Variants in DNAJC6 observed in about 807,000 individuals in gnomAD.
DNAJC6 encodes auxilin.
DNAJC6 carries 34 observed loss-of-function variants against 110.0 expected under a neutral mutation model. The observed-to-expected ratio is 0.31, with a 90% CI of 0.24 to 0.41. The LOEUF is 0.41. Ranked by LOEUF, DNAJC6 falls within the 10% of genes least tolerant of loss-of-function variation. The pLI is 1.00. For synonymous variants in DNAJC6, 406 were observed against 437.2 expected (o/e 0.93, Z 0.89); for missense variants, 1,031 against 1,207.8 (o/e 0.85, Z 2.17).
At chr1:65,369,975 G>A (rs528761866) in intron 4 of DNAJC6, among the ~76,000 whole-genome samples, 1 of 152,248 alleles carries the variant, frequency 6.6e-6, no homozygotes, top group South Asian at 2.1e-4. Flanking sequence ...ACATAGCCCA[G>A]CATTCAAAAG....
chr1:65,336,779 TA>T (rs2101472313), intron 1 of DNAJC6, among the ~76,000 whole-genome samples: 1 of 152,290 alleles, frequency 6.6e-6, no homozygotes, highest in East Asian at 1.9e-4. Flanking sequence ...GGGCTCCTTT[TA>T]AAAAACACTG....
chr1:65,412,238 T>C (rs940482279), intron 18 of DNAJC6, among the ~76,000 whole-genome samples: 3 of 152,214 alleles, frequency 2.0e-5, no homozygotes, highest in African/African-American at 7.2e-5. Context: ...ATCTAAGGGC[T>C]CTACCTTGTC....
At chr1:65,302,116 A>ATATAATACGTAT (rs1553135997) in intron 1 of DNAJC6, among the ~76,000 whole-genome samples, 1 of 46,668 alleles carries the variant, frequency 2.1e-5, no homozygotes, top group Non-Finnish European at 3.1e-5. Flanking sequence ...TAATATATAT[A>ATATAATACGTAT]TATATATAAA....
intron 4 of DNAJC6, among the ~76,000 whole-genome samples, chr1:65,374,678 TG>T (rs1289870842): frequency 2.6e-4 from 40 of 152,206 alleles, no homozygotes; most frequent in African/African-American, 9.6e-4. Context: ...ACAGTTTTTT[TG>T]GTGGAGTGTT....
At chr1:65,382,380 C>T (rs1371141564) in intron 5 of DNAJC6, among the ~76,000 whole-genome samples, 1 of 152,080 alleles carries the variant, frequency 6.6e-6, no homozygotes, top group Non-Finnish European at 1.5e-5. Context: ...TCACCTTTCT[C>T]CTGGGAGAAG....
chr1:65,309,357 G>A (rs557547282), upstream of DNAJC6, among the ~76,000 whole-genome samples: 61 of 151,432 alleles, frequency 4.0e-4, no homozygotes, highest in African/African-American at 1.4e-3. Flanking sequence ...CTTTGGCGCT[G>A]CCCTGCTGCG....
intron 8 of DNAJC6, among the ~76,000 whole-genome samples, 161 bp downstream of exon 8, chr1:65,387,090 G>A (rs994446600): frequency 6.6e-6 from 1 of 152,146 alleles, no homozygotes; most frequent in East Asian, 1.9e-4. Context: ...ATCTTACAGG[G>A]GAGGAACTGA....
rs2101649492 is a variant in DNAJC6, at chr1:65,414,449, T to C, written c.*1424T>C. 1 of 152,784 alleles carries C rather than the reference T, an allele frequency of 6.5e-6. No individual in the cohort carries two copies. The highest frequency in any genetic ancestry group is 1.5e-5 in the Non-Finnish European group (1 of 68,034). 9.5% of individuals were successfully genotyped at this position (152,784 alleles called of 1,614,324 possible). Reference sequence around the variant, plus strand: ...CATGCTAATCTTCAAAGGTTCATGCTCAATATTGTGAAAAGCTTTTAAAAG... The same window carrying C: ...CATGCTAATCTTCAAAGGTTCATGCCCAATATTGTGAAAAGCTTTTAAAAG... On this transcript the variant is annotated 3_prime_UTR_variant, in exon 19 of 19. Transcript: ENST00000371069.
At position 65,388,253 on chromosome 1, in the gene DNAJC6, GC is replaced by G. The variant is rs1463747403; in HGVS notation, c.1114-82del. 4 of 1,172,198 alleles carry G rather than the reference GC, an allele frequency of 3.4e-6. No individual in the cohort carries two copies. In the African/African-American group the frequency reaches 6.0e-5, roughly 18 times the overall value. 72.6% of individuals were successfully genotyped at this position (1,172,198 alleles called of 1,614,324 possible). On this transcript the variant is annotated intron_variant, in intron 8 of 18. Transcript: ENST00000371069. ...TTCAGATATTGAAACAGTTGAAGGT[GC>G]ATGTCTCCCCAAAATCTAATCTTTT...
intron 1 of DNAJC6, among the ~76,000 whole-genome samples, chr1:65,311,529 C>CT (rs981145225): frequency 2.6e-4 from 40 of 152,134 alleles, no homozygotes; most frequent in African/African-American, 8.2e-4. Context: ...CCAGGCAGGA[C>CT]TTTTTTATTG....
intron 5 of DNAJC6, among the ~76,000 whole-genome samples, chr1:65,381,510 G>C (rs1485976359): frequency 6.6e-6 from 1 of 150,928 alleles, no homozygotes; most frequent in African/African-American, 2.4e-5. Context: ...GATCGTGCCA[G>C]TGCACTCCAG....
upstream of DNAJC6, chr1:65,306,402 C>G (rs1257547939): frequency 3.9e-5 from 6 of 152,130 alleles, no homozygotes; most frequent in African/African-American, 1.4e-4. Flanking sequence ...AATCACAGAT[C>G]AAAATCCTAC....
chr1:65,321,459 T>C (rs1186723514), intron 1 of DNAJC6, among the ~76,000 whole-genome samples: 4 of 152,160 alleles, frequency 2.6e-5, no homozygotes, highest in African/African-American at 9.7e-5. Context: ...GGCCTCCCAA[T>C]ATACAGGGAT....
chr1:65,299,175 C>A (rs1195231308), intron 1 of DNAJC6, among the ~76,000 whole-genome samples: 3 of 152,122 alleles, frequency 2.0e-5, no homozygotes, highest in Non-Finnish European at 4.4e-5. Flanking sequence ...ATAAAAATAC[C>A]CCCACTTATT....
intron 1 of DNAJC6, among the ~76,000 whole-genome samples, chr1:65,266,162 C>G (rs1653322741): frequency 2.0e-5 from 3 of 152,160 alleles, no homozygotes; most frequent in African/African-American, 7.2e-5. Context: ...GCGCGCAGCG[C>G]CGCGGGGCTT....
rs957432165 is a variant in DNAJC6 at position 65,413,709 on chromosome 1, A to G, written c.*684A>G. 1 of 152,208 alleles carries G rather than the reference A, an allele frequency of 6.6e-6. No individual in the cohort carries two copies. Among genetic ancestry groups the G allele is most frequent in the African/African-American group, 2.4e-5 (1 of 41,464 alleles). 9.4% of individuals were successfully genotyped at this position (152,208 alleles called of 1,614,324 possible). A position where few individuals can be genotyped will look rare whatever the true frequency, so the allele number is the denominator to read the frequency against. ...TGGCTAAAGAAAATAGGGACTCTGA[A>G]GATGTCGAAATCTTTATTCCTGGTT... is the stretch of plus-strand genomic sequence containing the variant. On this transcript the variant is annotated 3_prime_UTR_variant, in exon 19 of 19. Coordinates refer to ENST00000371069, the MANE Select transcript of DNAJC6 (RefSeq NM_001256864.2).
At chr1:65,335,254 C>T (rs1282850929) in intron 1 of DNAJC6, among the ~76,000 whole-genome samples, 1 of 150,372 alleles carries the variant, frequency 6.7e-6, no homozygotes, top group Non-Finnish European at 1.5e-5. Flanking sequence ...ACTACAGGCG[C>T]ACACCACCCA....
intron 1 of DNAJC6, among the ~76,000 whole-genome samples, chr1:65,347,372 C>T (rs1377892802): frequency 6.6e-6 from 1 of 151,754 alleles, no homozygotes; most frequent in African/African-American, 2.4e-5. Flanking sequence ...CTTTATACGG[C>T]ACAAGGCCCC....
intron 4 of DNAJC6, among the ~76,000 whole-genome samples, chr1:65,375,247 G>T (rs948906317): frequency 6.6e-6 from 1 of 152,076 alleles, no homozygotes; most frequent in African/African-American, 2.4e-5. Context: ...TTATAGGCGT[G>T]AGCTGCCGAG....
Sources: gnomAD v4.1 joint callset for allele counts (sites outside exome capture counted in the v4.1 genomes callset) on GRCh38, gnomAD v4.1.1 for gene constraint, MANE v1.5 for transcripts, NCBI Gene and HGNC (gene_info 2026-07-23, HGNC 2026-07-21) for gene names.